Variants in AFF3 observed in about 807,000 individuals in gnomAD.
AFF3 encodes ALF transcription elongation factor 3, also known as AF4/FMR2 family member 3.
Under a neutral mutation model 129.7 loss-of-function variants are expected in AFF3, and 32 were observed. That is an observed-to-expected ratio of 0.25 (90% confidence interval 0.19 to 0.33). The LOEUF (loss-of-function observed/expected upper bound fraction) is 0.33. Ranked by LOEUF, AFF3 falls within the 10% of genes least tolerant of loss-of-function variation. The pLI is 1.00. For synonymous variants in AFF3, 644 were observed against 635.4 expected (o/e 1.01, Z -0.20); for missense variants, 1,373 against 1,592.0 (o/e 0.86, Z 2.34).
chr2:99,705,870 G>A (rs1447902112), intron 11 of AFF3, among the ~76,000 whole-genome samples: 8 of 61,254 alleles, frequency 1.3e-4, no homozygotes, highest in African/African-American at 4.5e-4. Flanking sequence ...GCAAAACTGC[G>A]CCTCAAAAAA....
At chr2:100,063,096 C>G (rs1687434351) in intron 4 of AFF3, among the ~76,000 whole-genome samples, 1 of 151,900 alleles carries the variant, frequency 6.6e-6, no homozygotes, top group African/African-American at 2.4e-5. Flanking sequence ...ACTAAAAATA[C>G]AAAAATTAGC....
intron 7 of AFF3, among the ~76,000 whole-genome samples, chr2:99,952,248 C>T (rs1676241019): frequency 6.6e-6 from 1 of 152,112 alleles, no homozygotes; most frequent in Non-Finnish European, 1.5e-5. Flanking sequence ...TGTAGCACCT[C>T]CTCCAAACCC....
Position 99,545,823 on chromosome 2 carries a change from C to A in AFF3, c.*5651G>T. The A allele has an allele frequency of 5.5e-6, 1 of 181,354 alleles. No homozygotes were observed. Among genetic ancestry groups the A allele is most frequent in the East Asian group, 9.0e-5 (1 of 11,136 alleles). The allele number at this position is 181,354 out of a possible 1,614,324, so 11.2% of individuals were successfully genotyped here. Reference sequence around the variant, plus strand: ...ATTTACCCCCTGCTGCCTCGGAGTGCCAATTAAAATAATAAAAACCAAAAC... The same window carrying A: ...ATTTACCCCCTGCTGCCTCGGAGTGACAATTAAAATAATAAAAACCAAAAC... On this transcript the variant is annotated 3_prime_UTR_variant, in exon 25 of 25. Transcript: ENST00000672756.
chr2:100,016,987 AATG>A (rs1169798057), intron 4 of AFF3, among the ~76,000 whole-genome samples: 9 of 139,714 alleles, frequency 6.4e-5, no homozygotes, highest in East Asian at 2.2e-4. Flanking sequence ...TGGTAATGGT[AATG>A]ATGGTGGTGG....
chr2:100,032,891 ATGAG>A (rs1319329642), intron 4 of AFF3, among the ~76,000 whole-genome samples: 1 of 152,212 alleles, frequency 6.6e-6, no homozygotes, highest in Non-Finnish European at 1.5e-5. Context: ...ATTATAAGTA[ATGAG>A]TAATTACCAT....
At chr2:99,700,195 AAT>A (rs1470566216) in intron 11 of AFF3, among the ~76,000 whole-genome samples, 1 of 151,870 alleles carries the variant, frequency 6.6e-6, no homozygotes, top group Non-Finnish European at 1.5e-5. Flanking sequence ...ATCTCAGCTC[AAT>A]GCAACCTCCG....
intron 8 of AFF3, among the ~76,000 whole-genome samples, chr2:99,808,823 C>A (rs1686560171): frequency 6.6e-6 from 1 of 152,242 alleles, no homozygotes; most frequent in Non-Finnish European, 1.5e-5. Context: ...TTTCCCCCAA[C>A]TAGAACTCCA....
At chr2:99,668,035 GTAGTCCCAGCTACTCAGGAGGC>G (rs1686829765) in intron 12 of AFF3, among the ~76,000 whole-genome samples, 1 of 152,006 alleles carries the variant, frequency 6.6e-6, no homozygotes, top group Admixed American at 6.5e-5. Context: ...GTGGGCGCCT[GTAGTCCCAGCTACTCAGGAGGC>G]TGAGGCAGGC....
At position 99,551,340 on chromosome 2, in the gene AFF3, T is replaced by C; in HGVS notation, c.*134A>G. Reference sequence around the variant, plus strand: ...ACAAACACACATGCCCTGCAAAAGATCATTGTTCAATGCTGAGGAAATGTT... The same window carrying C: ...ACAAACACACATGCCCTGCAAAAGACCATTGTTCAATGCTGAGGAAATGTT... On this transcript the variant is annotated 3_prime_UTR_variant, in exon 25 of 25. Coordinates refer to ENST00000672756, the MANE Select transcript of AFF3 (RefSeq NM_001386135.1). The C allele has an allele frequency of 7.8e-7, 1 of 1,274,108 alleles. No homozygotes were observed. The highest frequency in any genetic ancestry group is 1.5e-5 in the African/African-American group (1 of 67,190). 78.9% of individuals were successfully genotyped at this position (1,274,108 alleles called of 1,614,324 possible). A position where few individuals can be genotyped will look rare whatever the true frequency, so the allele number is the denominator to read the frequency against.
chr2:99,975,868 G>GAAAAAAAAAAAAAAAAAAA (rs5832890), intron 7 of AFF3, among the ~76,000 whole-genome samples: 1 of 74,618 alleles, frequency 1.3e-5, no homozygotes, highest in Non-Finnish European at 3.0e-5. Flanking sequence ...AGATTAAAAT[G>GAAAAAAAAAAAAAAAAAAA]AAAAAAAAAA....
intron 13 of AFF3, among the ~76,000 whole-genome samples, chr2:99,632,008 C>CTTTTTTTTTT (rs745651225): frequency 5.2e-5 from 4 of 76,884 alleles, no homozygotes; most frequent in South Asian, 5.9e-4. Flanking sequence ...CTTGCCAACA[C>CTTTTTTTTTT]TTTTTTTTTT....
At chr2:100,094,111 C>G (rs1222843105) in intron 4 of AFF3, among the ~76,000 whole-genome samples, 1 of 152,238 alleles carries the variant, frequency 6.6e-6, no homozygotes, top group Non-Finnish European at 1.5e-5. Flanking sequence ...ACTCCCACAA[C>G]AGAAGTGGTC....
At chr2:99,805,666 C>G (rs151122095) in intron 8 of AFF3, among the ~76,000 whole-genome samples, 1 of 152,286 alleles carries the variant, frequency 6.6e-6, no homozygotes, top group African/African-American at 2.4e-5. Flanking sequence ...TTCAGACCTG[C>G]CTGTAACACT....
chr2:99,835,953 T>C (rs895854019), intron 8 of AFF3, among the ~76,000 whole-genome samples: 1 of 152,182 alleles, frequency 6.6e-6, no homozygotes, highest in Non-Finnish European at 1.5e-5. Flanking sequence ...ACAATAACTA[T>C]AAAGCTGAAT....
At chr2:99,717,027 A>T (rs12469090) in intron 11 of AFF3, among the ~76,000 whole-genome samples, 26,452 of 152,122 alleles carry the variant, frequency 0.17, 2,795 homozygotes, top group South Asian at 0.27. Context: ...GGCTTCTTTC[A>T]TTTAACATAA....
intron 7 of AFF3, among the ~76,000 whole-genome samples, chr2:99,874,028 T>A (rs1692084781): frequency 6.6e-6 from 1 of 151,752 alleles, no homozygotes; most frequent in African/African-American, 2.4e-5. Context: ...GAAAAAAAAA[T>A]TAGCCGGGCG....
chr2:99,651,157 C>T (rs1345127384), intron 12 of AFF3, among the ~76,000 whole-genome samples: 3 of 129,472 alleles, frequency 2.3e-5, no homozygotes, highest in Non-Finnish European at 4.8e-5. Context: ...TGGGCAACAA[C>T]AGCAAAAGTC....
chr2:100,084,734 G>A (rs1407746379), intron 4 of AFF3, among the ~76,000 whole-genome samples: 1 of 152,068 alleles, frequency 6.6e-6, no homozygotes, highest in Non-Finnish European at 1.5e-5. Flanking sequence ...AATATGCATA[G>A]GTATAAAATA....
intron 7 of AFF3, among the ~76,000 whole-genome samples, chr2:99,926,959 T>A (rs558611277): frequency 6.6e-6 from 1 of 152,258 alleles, no homozygotes; most frequent in East Asian, 1.9e-4. Context: ...GTGATGCCAA[T>A]CCTGGTCTAC....
Sources: allele counts gnomAD v4.1 joint callset (sites outside exome capture counted in the v4.1 genomes callset), GRCh38; gene constraint gnomAD v4.1.1; transcripts MANE v1.5; gene names NCBI Gene and HGNC (gene_info 2026-07-23, HGNC 2026-07-21).